Variants in TFAP2B observed in about 807,000 individuals in gnomAD.
The protein encoded by TFAP2B is transcription factor AP-2-beta.
In TFAP2B, 9 loss-of-function variants were observed where a neutral mutation model predicts 44.3. The observed-to-expected ratio is 0.20, with a 90% CI of 0.12 to 0.35. The LOEUF is 0.35. TFAP2B is among the 10% of genes least tolerant of loss of function. The probability of loss-of-function intolerance (pLI) is 1.00; values close to 1 mark genes in which losing one functional copy is unlikely to be tolerated. For missense variants in TFAP2B, 509 were observed against 600.0 expected (o/e 0.85, Z 1.59); for synonymous variants, 270 against 263.8 (o/e 1.02, Z -0.23).
At chr6:50,818,360 C>T (rs1186015558), upstream of TFAP2B, among the ~76,000 whole-genome samples, 1 of 152,052 alleles carries the variant, frequency 6.6e-6, no homozygotes, top group Non-Finnish European at 1.5e-5. Flanking sequence ...AAAATACTCT[C>T]TTCCGGAACA....
chr6:50,826,566 A>AGCGCGCGC (rs547861744), intron 2 of TFAP2B, among the ~76,000 whole-genome samples: 7 of 143,924 alleles, frequency 4.9e-5, no homozygotes, highest in African/African-American at 1.1e-4. Context: ...ATTGTGCATG[A>AGCGCGCGC]GCGCGCGCGC....
At chr6:50,827,722 C>G (rs753379993) in intron 2 of TFAP2B, among the ~76,000 whole-genome samples, 32 of 152,220 alleles carry the variant, frequency 2.1e-4, no homozygotes, top group Non-Finnish European at 4.6e-4. Context: ...GAAAGGGAAT[C>G]TACTGCTTTT....
At position 50,840,301 on chromosome 6, in the gene TFAP2B, A is replaced by G; in HGVS notation, c.1082+4A>G. 6.2e-7 allele frequency: 1 copy of G among 1,613,466 alleles called. No homozygotes were observed. Among genetic ancestry groups the G allele is most frequent in the Non-Finnish European group, 8.5e-7 (1 of 1,180,024 alleles). Reference sequence around the variant, plus strand: ...AGAATATGCTGTTGGCCACCAAGTGAGTTTATTAGACTCTGGGCCCTCATC... The same window carrying G: ...AGAATATGCTGTTGGCCACCAAGTGGGTTTATTAGACTCTGGGCCCTCATC... On this transcript the variant is annotated splice_donor_region_variant and intron_variant, in intron 6 of 6. Coordinates refer to ENST00000393655, the MANE Select transcript of TFAP2B (RefSeq NM_003221.4).
In TFAP2B at chr6:50,836,251, T is replaced by C. The variant is rs1409639288; in HGVS notation, c.792T>C (p.Asn264=). The C allele has an allele frequency of 4.3e-6, 7 of 1,612,394 alleles. No homozygotes were observed. The highest frequency in any genetic ancestry group is 5.9e-6 in the Non-Finnish European group (7 of 1,179,976). The stretch of plus-strand genomic sequence containing the variant: ...GGCTGTCGCCCCCTGAATGCCTCAA[T>C]GCATCTCTCCTCGGCGGAGTCCTCA... ...QRRLSPPECL[N]ASLLGGVLRR... Residue 264 remains asparagine (N), a synonymous_variant, in exon 4 of 7, where the codon AAT becomes AAC. Coordinates refer to ENST00000393655, the MANE Select transcript of TFAP2B (RefSeq NM_003221.4).
chr6:50,826,503 G>T (rs1359047695), intron 2 of TFAP2B, among the ~76,000 whole-genome samples: 4 of 151,970 alleles, frequency 2.6e-5, no homozygotes, highest in Admixed American at 2.6e-4. Flanking sequence ...ACTCACAGGG[G>T]CTATTAAACT....
At chr6:50,830,819 C>G (rs1387963092) in intron 3 of TFAP2B, among the ~76,000 whole-genome samples, 10 of 152,070 alleles carry the variant, frequency 6.6e-5, no homozygotes, top group Admixed American at 6.5e-4. Context: ...TCACCATCTC[C>G]CCAATTATGA....
chr6:50,839,770 TA>T (rs1333920982), intron 5 of TFAP2B, among the ~76,000 whole-genome samples: 1 of 152,240 alleles, frequency 6.6e-6, no homozygotes, highest in South Asian at 2.1e-4. Flanking sequence ...TGGTCACTTT[TA>T]AATTTTATTT....
intron 2 of TFAP2B, among the ~76,000 whole-genome samples, chr6:50,824,240 A>G (rs1770442193): frequency 6.6e-6 from 1 of 152,182 alleles, no homozygotes; most frequent in Non-Finnish European, 1.5e-5. Context: ...TTCTTTACCA[A>G]CACACACACC....
chr6:50,838,991 C>A (rs140486873), intron 5 of TFAP2B, among the ~76,000 whole-genome samples: 1 of 152,128 alleles, frequency 6.6e-6, no homozygotes, highest in Non-Finnish European at 1.5e-5. Context: ...AGGCAGCAAC[C>A]ATTAATCATC....
chr6:50,831,431 G>T (rs531867599), intron 3 of TFAP2B, among the ~76,000 whole-genome samples: 2 of 152,260 alleles, frequency 1.3e-5, no homozygotes, highest in East Asian at 3.9e-4. Flanking sequence ...CCATTAAGCT[G>T]CCTAGTCTCA....
At position 50,843,237 on chromosome 6, in the gene TFAP2B, A is replaced by C. The variant is rs1182927469; in HGVS notation, c.1228A>C (p.Ile410Leu). ...CACGCACGGCTTCGGCGCCCCGGCC[A>C]TTTGCGCCGCGCTCACGGCCCTGCA... ...LITHGFGAPA[I>L]CAALTALQNY... Residue 410 changes from isoleucine (I) to leucine (L), a missense_variant, in exon 7 of 7, where the codon ATT becomes CTT. This residue lies in a region of TFAP2B where 168 missense variants were observed against 183.2 expected (regional missense o/e 0.92). Coordinates refer to ENST00000393655, the MANE Select transcript of TFAP2B (RefSeq NM_003221.4). 6.2e-7 allele frequency: 1 copy of C among 1,613,962 alleles called. No individual in the cohort carries two copies. Among genetic ancestry groups the C allele is most frequent in the East Asian group, 2.2e-5 (1 of 44,868 alleles).
At chr6:50,824,738 C>T (rs1770456623) in intron 2 of TFAP2B, among the ~76,000 whole-genome samples, 1 of 152,214 alleles carries the variant, frequency 6.6e-6, no homozygotes, top group Admixed American at 6.5e-5. Context: ...CCCACTATCC[C>T]ATCTGCAGTC....
chr6:50,833,316 G>A (rs1400789458), intron 3 of TFAP2B, among the ~76,000 whole-genome samples: 1 of 152,210 alleles, frequency 6.6e-6, no homozygotes, highest in African/African-American at 2.4e-5. Flanking sequence ...AAGTGGAAGG[G>A]AAAGTAGATT....
rs367843046 is a variant in TFAP2B, at chr6:50,823,442, G to A, written c.117G>A (p.Arg39=). 4.4e-6 allele frequency: 7 copies of A among 1,606,600 alleles called. No individual in the cohort carries two copies. In the Admixed American group the frequency reaches 5.1e-5, roughly 12 times the overall value. ...RHDGVPSHSS[R]LSQLGSVSQG... The stretch of plus-strand genomic sequence containing the variant: ...ATGGTGTCCCGAGCCACAGCTCGCG[G>A]CTCTCCCAGCTGGGCTCGGTGTCCC... The change falls in exon 2 of 7, where the codon CGG becomes CGA. Residue 39 remains arginine (R), a synonymous_variant. Transcript: ENST00000393655.
rs1295952680 is a variant in TFAP2B, at chr6:50,836,123, A to T, written c.664A>T (p.Met222Leu). 12 of 1,614,018 alleles carry T rather than the reference A, an allele frequency of 7.4e-6. No homozygotes were observed. The highest frequency in any genetic ancestry group is 1.7e-6 in the Non-Finnish European group (2 of 1,180,036). Residue 222 changes from methionine to leucine, a missense_variant, in exon 4 of 7, where the codon ATG (methionine) becomes TTG (leucine). Physicochemically the swap from Met to Leu is conservative, Grantham distance 15 (BLOSUM62 2). Coordinates refer to ENST00000393655, the MANE Select transcript of TFAP2B (RefSeq NM_003221.4). ...GAATAAAGACGGCTTCCTGGGAGGC[A>T]TGTCTGTCAACACCGGCGAGGTGTT... is the stretch of plus-strand genomic sequence containing the variant. ...MMNKDGFLGG[M>L]SVNTGEVFCS...
At chr6:50,832,234 G>A (rs1762517755) in intron 3 of TFAP2B, among the ~76,000 whole-genome samples, 1 of 152,128 alleles carries the variant, frequency 6.6e-6, no homozygotes, top group Admixed American at 6.5e-5. Context: ...TTCAAAGTCA[G>A]GTAGGTTAGA....
chr6:50,837,239 G>A (rs764348142), intron 4 of TFAP2B, among the ~76,000 whole-genome samples: 3 of 152,188 alleles, frequency 2.0e-5, no homozygotes, highest in African/African-American at 4.8e-5. Flanking sequence ...GAGAAATTAA[G>A]GGTGTGACCC....
chr6:50,825,349 A>G (rs1770474189), intron 2 of TFAP2B, among the ~76,000 whole-genome samples: 1 of 152,002 alleles, frequency 6.6e-6, no homozygotes, highest in Non-Finnish European at 1.5e-5. Flanking sequence ...AAGTTTTTAA[A>G]TTAACCTTTC....
intron 6 of TFAP2B, among the ~76,000 whole-genome samples, chr6:50,840,562 T>C (rs1192781426): frequency 1.3e-5 from 2 of 152,182 alleles, no homozygotes; most frequent in African/African-American, 4.8e-5. Flanking sequence ...GGCAGATCTT[T>C]TCTGAGGGAG....
Sources: allele counts gnomAD v4.1 joint callset (sites outside exome capture counted in the v4.1 genomes callset), GRCh38; gene constraint gnomAD v4.1.1; regional missense constraint gnomAD v4.1.1; transcripts MANE v1.5; gene names NCBI Gene and HGNC (gene_info 2026-07-23, HGNC 2026-07-21).